The following RBFOX1 variants were observed in gnomAD, a reference collection of about 807,000 sequenced individuals.
RBFOX1 encodes the protein RNA binding fox-1 homolog 1.
A neutral mutation model predicts 57.7 loss-of-function variants in RBFOX1; 8 were observed. That is an observed-to-expected ratio of 0.14 (90% CI 0.08 to 0.25). The LOEUF (loss-of-function observed/expected upper bound fraction) is 0.25, where lower values mean the gene tolerates loss of function less well. Ranked by LOEUF, RBFOX1 falls within the 10% of genes least tolerant of loss-of-function variation. The pLI is 1.00. For missense variants in RBFOX1, 611 were observed against 548.5 expected (o/e 1.11, Z -1.14); for synonymous variants, 326 against 222.4 (o/e 1.47, Z -4.15).
chr16:5,737,304 TA>T (rs1165384970), intron 3 of RBFOX1, among the ~76,000 whole-genome samples: 2 of 151,890 alleles, frequency 1.3e-5, no homozygotes, highest in African/African-American at 4.8e-5. Context: ...GCCAATATGG[TA>T]AAACTCGGTC....
intron 1 of RBFOX1, among the ~76,000 whole-genome samples, chr16:6,100,216 G>T (rs1431251890): frequency 1.3e-5 from 2 of 151,998 alleles, no homozygotes; most frequent in East Asian, 1.9e-4. Flanking sequence ...AGGCTGGAGT[G>T]CAGTGGCCCG....
chr16:6,487,703 ATATATATATATATATAT>A (rs2095533226), intron 2 of RBFOX1, among the ~76,000 whole-genome samples: 4 of 4,776 alleles, frequency 8.4e-4, no homozygotes, highest in African/African-American at 2.7e-3. Flanking sequence ...AAAAAAAAAT[ATATATATATATATATAT>A]ATATATATAT....
intron 2 of RBFOX1, among the ~76,000 whole-genome samples, chr16:6,317,670 G>A (rs1306177388): frequency 6.6e-6 from 1 of 152,084 alleles, no homozygotes; most frequent in African/African-American, 2.4e-5. Flanking sequence ...TATTTTTGGT[G>A]AAGGTAGCAG....
At chr16:6,131,245 C>G (rs552128835) in intron 1 of RBFOX1, among the ~76,000 whole-genome samples, 221 of 152,296 alleles carry the variant, frequency 1.5e-3, no homozygotes, top group African/African-American at 4.8e-3. Context: ...ACACATTTAT[C>G]AAAAGTCTTT....
intron 3 of RBFOX1, among the ~76,000 whole-genome samples, chr16:6,734,671 A>G (rs1224906355): frequency 1.3e-5 from 2 of 152,092 alleles, no homozygotes; most frequent in African/African-American, 2.4e-5. Flanking sequence ...TTCTACACAT[A>G]TTTTATCTTA....
intron 3 of RBFOX1, among the ~76,000 whole-genome samples, chr16:6,884,464 A>G (rs2063566419): frequency 6.6e-6 from 1 of 152,210 alleles, no homozygotes; most frequent in South Asian, 2.1e-4. Flanking sequence ...TATTCTTATT[A>G]TTAGTGGCTA....
intron 2 of RBFOX1, among the ~76,000 whole-genome samples, chr16:5,591,264 T>G: frequency 6.6e-6 from 1 of 151,984 alleles, no homozygotes. Flanking sequence ...TTTTTTTTTT[T>G]TTTTGAGACG....
rs536279212 is a variant in RBFOX1 at position 5,952,806 on chromosome 16, G to T, written c.351+85471G>T. On this transcript the variant is annotated intron_variant, in intron 4 of 19. Coordinates refer to the RBFOX1 transcript ENST00000641259. ...CCTGGGAGAGTTTCTCCAGGACAAG[G>T]CCTCCCATACTGACCTGATGACCAG... Among the ~76,000 whole-genome samples, 7 of 152,266 alleles carry T rather than the reference G, an allele frequency of 4.6e-5. No individual in the cohort carries two copies. In the East Asian group the frequency reaches 1.4e-3, roughly 29 times the overall value.
intron 3 of RBFOX1, among the ~76,000 whole-genome samples, chr16:6,703,134 ATGTTT>A (rs1285882480): frequency 3.9e-5 from 6 of 152,052 alleles, no homozygotes; most frequent in Non-Finnish European, 7.4e-5. Context: ...AGAATATATC[ATGTTT>A]TGTTTTGTTA....
chr16:5,625,314 G>A (rs1354055864), intron 3 of RBFOX1, among the ~76,000 whole-genome samples: 1 of 152,006 alleles, frequency 6.6e-6, no homozygotes, highest in Non-Finnish European at 1.5e-5. Flanking sequence ...GTCTCTGAGG[G>A]TGGTCCCCAG....
intron 1 of RBFOX1, among the ~76,000 whole-genome samples, chr16:6,204,491 C>T (rs1344466): frequency 0.97 from 147,298 of 152,222 alleles, 71,443 homozygotes; most frequent in East Asian, 1. Context: ...TGAAATCCAT[C>T]CCACCAACAA....
At chr16:7,104,294 G>T (rs1245806461) in intron 4 of RBFOX1, among the ~76,000 whole-genome samples, 1 of 152,198 alleles carries the variant, frequency 6.6e-6, no homozygotes, top group African/African-American at 2.4e-5. Context: ...TGGAATTGAG[G>T]ATATAAGACA....
chr16:5,526,360 C>G (rs932488527), intron 2 of RBFOX1, among the ~76,000 whole-genome samples: 3 of 152,144 alleles, frequency 2.0e-5, no homozygotes, highest in Non-Finnish European at 4.4e-5. Context: ...ACAATCTCAT[C>G]TCACTGCAAC....
rs148293596 is a variant in RBFOX1, at chr16:6,796,540, A to G, written c.-16+141890A>G. Among the ~76,000 whole-genome samples the G allele has an allele frequency of 7.6e-4, 116 of 152,340 alleles. 2 individuals carry two copies. The South Asian group carries it at 9.5e-3, about 13-fold the overall frequency. On this transcript the variant is annotated intron_variant, in intron 3 of 15. Transcript: ENST00000550418. ...GTAAATAACAGAATAGATGTTGTCT[A>G]TGAATTCACTGCTTAATATTTCATT...
In RBFOX1 at chr16:5,682,008, A is replaced by G. The variant is rs572991653; in HGVS notation, c.318+83047A>G. ...CCCCTTGTTGAAATGCGTAATATAT[A>G]TATGAGCCTGGGGTTGATATTAGAA... On this transcript the variant is annotated intron_variant, in intron 3 of 19. Transcript: ENST00000641259. Among the ~76,000 whole-genome samples the G allele has an allele frequency of 4.9e-4, 74 of 152,216 alleles. 1 individual carries two copies. In the South Asian group the frequency reaches 6.2e-3, roughly 13 times the overall value.
chr16:5,467,441 C>T (rs1440529211), intron 2 of RBFOX1, among the ~76,000 whole-genome samples: 1 of 152,152 alleles, frequency 6.6e-6, no homozygotes, highest in Non-Finnish European at 1.5e-5. Context: ...CTCATGAGAT[C>T]AAACATACTT....
At chr16:6,189,185 A>G (rs1229815054) in intron 1 of RBFOX1, among the ~76,000 whole-genome samples, 2 of 152,342 alleles carry the variant, frequency 1.3e-5, no homozygotes, top group Admixed American at 1.3e-4. Flanking sequence ...TGGATATTAC[A>G]ATGAATGCTT....
At chr16:5,808,998 A>G (rs2055327549) in intron 3 of RBFOX1, among the ~76,000 whole-genome samples, 1 of 152,138 alleles carries the variant, frequency 6.6e-6, no homozygotes, top group South Asian at 2.1e-4. Context: ...GTCTTGTGCC[A>G]GTTTTCAAAC....
chr16:7,703,419 A>T (rs1210626870), intron 14 of RBFOX1, among the ~76,000 whole-genome samples: 1 of 152,106 alleles, frequency 6.6e-6, no homozygotes, highest in Non-Finnish European at 1.5e-5. Flanking sequence ...GATTTCACTC[A>T]TCTTTCTGCT....
Sources: allele counts gnomAD v4.1 joint callset (sites outside exome capture counted in the v4.1 genomes callset), GRCh38; gene constraint gnomAD v4.1.1; transcripts MANE v1.5; gene names NCBI Gene and HGNC (gene_info 2026-07-23, HGNC 2026-07-21).